The following NEDD4L variants were observed in gnomAD, a reference collection of about 807,000 sequenced individuals.
NEDD4L encodes the protein E3 ubiquitin-protein ligase NEDD4-like.
A neutral mutation model predicts 148.9 loss-of-function variants in NEDD4L; 54 were observed. The observed-to-expected ratio is 0.36, with a 90% CI of 0.29 to 0.45. NEDD4L has a LOEUF of 0.45. Ranked by LOEUF, NEDD4L falls within the 20% of genes least tolerant of loss-of-function variation. The pLI is 1.00. For missense variants in NEDD4L, 856 were observed against 1,233.8 expected (o/e 0.69, Z 4.59); for synonymous variants, 433 against 440.7 (o/e 0.98, Z 0.22).
At chr18:58,317,101 C>T (rs2058356875) in intron 6 of NEDD4L, among the ~76,000 whole-genome samples, 1 of 152,222 alleles carries the variant, frequency 6.6e-6, no homozygotes, top group African/African-American at 2.4e-5. Flanking sequence ...CTTACTCACT[C>T]AGGGGAGCTG....
chr18:58,126,521 T>C (rs188140770), intron 1 of NEDD4L, among the ~76,000 whole-genome samples: 1 of 152,208 alleles, frequency 6.6e-6, no homozygotes, highest in Non-Finnish European at 1.5e-5. Flanking sequence ...CCTGTTTTTT[T>C]AAAAAGTCCA....
chr18:58,340,921 AATAG>A lies in NEDD4L; in HGVS notation c.1126-114_1126-111del, dbSNP rs2042336920. 10 of 1,055,698 alleles carry A rather than the reference AATAG, an allele frequency of 9.5e-6. No individual in the cohort carries two copies. The South Asian group carries it at 1.1e-4, about 12-fold the overall frequency. 65.4% of individuals were successfully genotyped at this position (1,055,698 alleles called of 1,614,324 possible). On this transcript the variant is annotated intron_variant, in intron 13 of 30. Transcript: ENST00000400345. ...GACACTTGTAAGTGTTTTCTATATA[AATAG>A]ATCTAATTAACTTTGTCTAGAGAAA...
intron 1 of NEDD4L, among the ~76,000 whole-genome samples, chr18:58,157,515 A>G (rs1269413621): frequency 6.6e-6 from 1 of 152,138 alleles, no homozygotes; most frequent in Non-Finnish European, 1.5e-5. Context: ...TCAGTGGCAC[A>G]TGTAAGTATC....
At chr18:58,271,673 A>C (rs146323693) in intron 5 of NEDD4L, among the ~76,000 whole-genome samples, 1,760 of 152,308 alleles carry the variant, frequency 0.012, 16 homozygotes, top group Non-Finnish European at 0.018. Flanking sequence ...TGTATGGTTG[A>C]TTGTGGGTTA....
At chr18:58,051,022 C>T (rs1016657638) in intron 1 of NEDD4L, among the ~76,000 whole-genome samples, 2 of 152,064 alleles carry the variant, frequency 1.3e-5, no homozygotes, top group Non-Finnish European at 2.9e-5. Flanking sequence ...CTTGGGGGGC[C>T]GAGGTGGACA....
chr18:58,227,901 A>G, intron 2 of NEDD4L: 1 of 970,160 alleles, frequency 1.0e-6, no homozygotes, highest in Non-Finnish European at 1.2e-6. Context: ...GAGTCTGATA[A>G]TAGCAAGTAA....
At chr18:58,142,989 C>G (rs1440340499) in intron 1 of NEDD4L, among the ~76,000 whole-genome samples, 1 of 152,188 alleles carries the variant, frequency 6.6e-6, no homozygotes, top group Non-Finnish European at 1.5e-5. Context: ...AGTGTTGAAC[C>G]TGTCCCACCT....
At chr18:58,095,151 C>T (rs780191179) in intron 1 of NEDD4L, among the ~76,000 whole-genome samples, 5 of 152,230 alleles carry the variant, frequency 3.3e-5, no homozygotes, top group Admixed American at 1.3e-4. Flanking sequence ...TTTCCTTCCA[C>T]TCCCAACTCA....
chr18:58,377,722 G>A (rs77362944), intron 24 of NEDD4L, among the ~76,000 whole-genome samples: 5,435 of 142,574 alleles, frequency 0.038, 311 homozygotes, highest in African/African-American at 0.13. Context: ...GCAGAGCAAC[G>A]TCTAATTTGG....
chr18:58,170,273 C>T (rs949769799), intron 2 of NEDD4L, among the ~76,000 whole-genome samples: 1 of 152,212 alleles, frequency 6.6e-6, no homozygotes, highest in East Asian at 1.9e-4. Context: ...GGTGGCAACA[C>T]TCCTGCTGAG....
At chr18:58,098,355 T>G (rs2084551804) in intron 1 of NEDD4L, among the ~76,000 whole-genome samples, 1 of 152,154 alleles carries the variant, frequency 6.6e-6, no homozygotes, top group Non-Finnish European at 1.5e-5. Context: ...CCTAGGCCTA[T>G]GAAGGGTAAT....
intron 2 of NEDD4L, among the ~76,000 whole-genome samples, chr18:58,184,020 T>C (rs1401022303): frequency 6.6e-6 from 1 of 151,992 alleles, no homozygotes; most frequent in Non-Finnish European, 1.5e-5. Context: ...ATAGAGAAAA[T>C]TAGCCAGGCG....
rs869167759 is a variant in NEDD4L at position 58,109,572 on chromosome 18, G to GTT, written c.49-56200_49-56199dup. 1.3e-3 allele frequency among the ~76,000 whole-genome samples: 155 copies of GTT among 117,622 alleles called. 3 individuals carry two copies. Among genetic ancestry groups the GTT allele is most frequent in the Non-Finnish European group, 2.0e-3 (115 of 58,486 alleles). The allele number at this position is 117,622 out of a possible 152,430, so 77.2% of individuals were successfully genotyped here. On this transcript the variant is annotated intron_variant, in intron 1 of 30. Transcript: ENST00000400345. ...GGAACAACTAGGAGGTTTTTTTTTT[G>GTT]TTTTTTTTTTTTTTTTTGAGACGGA...
intron 2 of NEDD4L, among the ~76,000 whole-genome samples, chr18:58,188,337 C>A (rs1032689544): frequency 4.6e-5 from 7 of 152,122 alleles, no homozygotes; most frequent in Non-Finnish European, 1.0e-4. Flanking sequence ...ATTAGCGTCA[C>A]CTGGGAGCTC....
Position 58,115,364 on chromosome 18 carries a change from G to A in NEDD4L, c.49-50424G>A, listed in dbSNP as rs533096448. Among the ~76,000 whole-genome samples the A allele has an allele frequency of 2.0e-5, 3 of 151,914 alleles. No homozygotes were observed. The East Asian group carries it at 5.8e-4, about 29-fold the overall frequency. On this transcript the variant is annotated intron_variant, in intron 1 of 30. Coordinates refer to ENST00000400345, the MANE Select transcript of NEDD4L (RefSeq NM_001144967.3). The stretch of plus-strand genomic sequence containing the variant: ...AGAGGTTTTTAAAGCAGTCCTAGGG[G>A]AGATGCAATTCCCTGCTTACATTCA...
Position 58,387,431 on chromosome 18 carries a change from T to TTTTTTTGGG in NEDD4L, c.2488-8_2488-7insTTTTTTGGG. ...AGGTGTTTAAGATGTTTTTTTTTTT[T>TTTTTTTGGG]CTTTCAGGGATTCACAGAACTACTT... is the stretch of plus-strand genomic sequence containing the variant. On this transcript the variant is annotated splice_region_variant and splice_polypyrimidine_tract_variant and intron_variant, in intron 26 of 30. Coordinates refer to ENST00000400345, the MANE Select transcript of NEDD4L (RefSeq NM_001144967.3). The TTTTTTTGGG allele has an allele frequency of 6.5e-7, 1 of 1,531,078 alleles. No individual in the cohort carries two copies. Among genetic ancestry groups the TTTTTTTGGG allele is most frequent in the Non-Finnish European group, 8.7e-7 (1 of 1,146,266 alleles). 94.8% of individuals were successfully genotyped at this position (1,531,078 alleles called of 1,614,324 possible).
chr18:58,380,641 G>A (rs2048219949), intron 24 of NEDD4L, among the ~76,000 whole-genome samples: 2 of 152,030 alleles, frequency 1.3e-5, no homozygotes, highest in African/African-American at 4.8e-5. Flanking sequence ...TGTTACATAG[G>A]TATACACATG....
At chr18:58,148,163 C>CTTTTTTTTTTTTTT in intron 1 of NEDD4L, among the ~76,000 whole-genome samples, 1 of 141,922 alleles carries the variant, frequency 7.0e-6, no homozygotes. Flanking sequence ...CCACACTGTT[C>CTTTTTTTTTTTTTT]TTTTTTTTTT....
chr18:58,194,041 A>C (rs4149605), intron 2 of NEDD4L: 37,064 of 152,154 alleles, frequency 0.24, 4,944 homozygotes, highest in East Asian at 0.39. Flanking sequence ...TAGGGAAGAG[A>C]ACTTTTACGC....
Sources: gnomAD v4.1 joint callset for allele counts (sites outside exome capture counted in the v4.1 genomes callset) on GRCh38, gnomAD v4.1.1 for gene constraint, MANE v1.5 for transcripts, NCBI Gene and HGNC (gene_info 2026-07-23, HGNC 2026-07-21) for gene names.